The following PTPRD variants were observed in gnomAD, a reference collection of about 807,000 sequenced individuals.
PTPRD encodes receptor-type tyrosine-protein phosphatase delta.
A neutral mutation model predicts 214.5 loss-of-function variants in PTPRD; 34 were observed. The ratio of observed to expected loss-of-function variants is 0.16; its 90% CI spans 0.12 to 0.21. The LOEUF is 0.21. Ranked by LOEUF, PTPRD falls within the 10% of genes least tolerant of loss-of-function variation. The pLI, the probability that PTPRD is intolerant of heterozygous loss-of-function variation, is 1.00. For missense variants in PTPRD, 2,545 were observed against 2,398.7 expected (o/e 1.06, Z -1.27); for synonymous variants, 1,128 against 845.7 (o/e 1.33, Z -5.79).
rs144817868 is a variant in PTPRD, at chr9:8,883,547, C to T, written c.-104+135150G>A. Among the ~76,000 whole-genome samples the T allele has an allele frequency of 4.2e-3, 643 of 152,248 alleles. 5 individuals carry two copies. Among genetic ancestry groups the T allele is most frequent in the African/African-American group, 0.014 (592 of 41,538 alleles). The stretch of plus-strand genomic sequence containing the variant: ...CCTGCTGGGAACTATGAGTAACTAT[C>T]CCTAAGGTCAGACTTAATTGGATTT... On this transcript the variant is annotated intron_variant, in intron 11 of 45. Transcript: ENST00000381196.
chr9:10,325,151 C>A (rs150839755), intron 3 of PTPRD, among the ~76,000 whole-genome samples: 295 of 152,030 alleles, frequency 1.9e-3, no homozygotes, highest in African/African-American at 6.5e-3. Context: ...ACCTTAAGTT[C>A]CAACAAATAG....
At chr9:8,482,296 T>C (rs2096904237) in intron 30 of PTPRD, among the ~76,000 whole-genome samples, 1 of 151,598 alleles carries the variant, frequency 6.6e-6, no homozygotes, top group South Asian at 2.1e-4. Flanking sequence ...ATGTATGCTG[T>C]ACTACTACTC....
At chr9:8,371,514 G>C (rs1588920771) in intron 39 of PTPRD, among the ~76,000 whole-genome samples, 1 of 151,980 alleles carries the variant, frequency 6.6e-6, no homozygotes, top group South Asian at 2.1e-4. Context: ...AATTCTTCCT[G>C]TGGGAAGATA....
At chr9:9,652,913 C>T (rs1330627855) in intron 7 of PTPRD, among the ~76,000 whole-genome samples, 1 of 151,910 alleles carries the variant, frequency 6.6e-6, no homozygotes, top group Non-Finnish European at 1.5e-5. Context: ...TATGCCCAGC[C>T]AATAATATAC....
rs544918967 is a variant in PTPRD at position 8,611,243 on chromosome 9, G to C, written c.352+22074C>G. On this transcript the variant is annotated intron_variant, in intron 14 of 45. Transcript: ENST00000381196. The stretch of plus-strand genomic sequence containing the variant: ...AAACAAGAATATCAAAGTTAAATGA[G>C]CCTGACTCTGTTCTAATCAGAGGAT... Among the ~76,000 whole-genome samples, 9 of 152,276 alleles carry C rather than the reference G, an allele frequency of 5.9e-5. No homozygotes were observed. The South Asian group carries it at 1.5e-3, about 25-fold the overall frequency.
intron 30 of PTPRD, among the ~76,000 whole-genome samples, chr9:8,478,497 G>C (rs775317688): frequency 1.6e-4 from 24 of 151,300 alleles, no homozygotes; most frequent in South Asian, 4.2e-4. Flanking sequence ...AGTACCTTCT[G>C]GTAGTTTTTT....
chr9:8,901,815 T>G (rs887275804), intron 11 of PTPRD, among the ~76,000 whole-genome samples: 2 of 152,198 alleles, frequency 1.3e-5, no homozygotes, highest in Non-Finnish European at 2.9e-5. Context: ...ATAATTTCCT[T>G]TTGTTCTCTA....
intron 5 of PTPRD, among the ~76,000 whole-genome samples, chr9:9,906,302 T>C (rs1270334033): frequency 6.6e-6 from 1 of 151,958 alleles, no homozygotes; most frequent in Non-Finnish European, 1.5e-5. Flanking sequence ...GTGTGCTTTT[T>C]TGTACGTATG....
intron 3 of PTPRD, among the ~76,000 whole-genome samples, chr9:10,337,845 G>T (rs73644419): frequency 0.01 from 1,528 of 151,644 alleles, 30 homozygotes; most frequent in African/African-American, 0.035. Context: ...AATTTTACCC[G>T]TATAACATTT....
intron 11 of PTPRD, among the ~76,000 whole-genome samples, chr9:8,807,223 G>C (rs1005956701): frequency 6.6e-6 from 1 of 152,042 alleles, no homozygotes; most frequent in African/African-American, 2.4e-5. Context: ...TGTAATCCCA[G>C]CTACTTGTGA....
At chr9:8,449,214 T>C (rs981119933) in intron 34 of PTPRD, among the ~76,000 whole-genome samples, 1 of 152,324 alleles carries the variant, frequency 6.6e-6, no homozygotes, top group Non-Finnish European at 1.5e-5. Context: ...AAATTTAGTA[T>C]AGGTAATATT....
At chr9:10,189,364 G>C (rs1384187015) in intron 3 of PTPRD, among the ~76,000 whole-genome samples, 1 of 152,068 alleles carries the variant, frequency 6.6e-6, no homozygotes, top group African/African-American at 2.4e-5. Flanking sequence ...CATCCTCAAG[G>C]AAGCTAGCCC....
chr9:10,532,934 T>C (rs1269514604), intron 2 of PTPRD, among the ~76,000 whole-genome samples: 1 of 152,008 alleles, frequency 6.6e-6, no homozygotes, highest in Non-Finnish European at 1.5e-5. Context: ...TGCTGATACA[T>C]GATTCCCAGT....
chr9:9,502,510 T>C (rs1338374417), intron 8 of PTPRD, among the ~76,000 whole-genome samples: 1 of 151,980 alleles, frequency 6.6e-6, no homozygotes, highest in Non-Finnish European at 1.5e-5. Flanking sequence ...TGTAAAATGA[T>C]ATAACTCTTT....
intron 5 of PTPRD, among the ~76,000 whole-genome samples, chr9:9,912,903 G>A (rs1333013846): frequency 6.6e-6 from 1 of 152,084 alleles, no homozygotes; most frequent in Non-Finnish European, 1.5e-5. Flanking sequence ...TATAATCAAT[G>A]CATCTTACAA....
At chr9:10,448,053 C>A (rs2098811669) in intron 2 of PTPRD, among the ~76,000 whole-genome samples, 2 of 152,026 alleles carry the variant, frequency 1.3e-5, no homozygotes, top group Non-Finnish European at 1.5e-5. Flanking sequence ...ATAAGTATCT[C>A]TATTTTTTAG....
chr9:9,819,545 G>C (rs1316519517), intron 5 of PTPRD, among the ~76,000 whole-genome samples: 1 of 152,098 alleles, frequency 6.6e-6, no homozygotes, highest in Non-Finnish European at 1.5e-5. Context: ...TAGGGTACAT[G>C]TGCAGGTTTG....
intron 8 of PTPRD, among the ~76,000 whole-genome samples, chr9:9,519,701 A>G (rs7044063): frequency 0.15 from 22,409 of 151,992 alleles, 2,747 homozygotes; most frequent in African/African-American, 0.33. Flanking sequence ...ACAGGAATGA[A>G]AGAACATATA....
intron 2 of PTPRD, among the ~76,000 whole-genome samples, chr9:10,407,682 A>G (rs896553410): frequency 6.6e-6 from 1 of 151,520 alleles, no homozygotes; most frequent in Non-Finnish European, 1.5e-5. Context: ...TTTCTATATC[A>G]GTATGTTTAA....
Sources: allele counts gnomAD v4.1 joint callset (sites outside exome capture counted in the v4.1 genomes callset), GRCh38; gene constraint gnomAD v4.1.1; transcripts MANE v1.5; gene names NCBI Gene and HGNC (gene_info 2026-07-23, HGNC 2026-07-21).